The following GRM1 variants were observed in gnomAD, a reference collection of about 807,000 sequenced individuals.
The protein encoded by GRM1 is metabotropic glutamate receptor 1.
A neutral mutation model predicts 90.9 loss-of-function variants in GRM1; 33 were observed. The observed-to-expected ratio is 0.36, with a 90% CI of 0.28 to 0.49. GRM1 has a LOEUF of 0.49. GRM1 is among the 20% of genes least tolerant of loss of function. The pLI is 0.99. For synonymous variants in GRM1, 700 were observed against 613.2 expected (o/e 1.14, Z -2.09); for missense variants, 1,190 against 1,534.3 (o/e 0.78, Z 3.75).
At chr6:146,315,997 T>C (rs117962992) in intron 3 of GRM1, among the ~76,000 whole-genome samples, 1 of 152,326 alleles carries the variant, frequency 6.6e-6, no homozygotes, top group Non-Finnish European at 1.5e-5. Flanking sequence ...CATAACAAAT[T>C]ACCACAGACT....
At chr6:146,391,746 AC>A (rs1776731880) in intron 6 of GRM1, among the ~76,000 whole-genome samples, 1 of 152,022 alleles carries the variant, frequency 6.6e-6, no homozygotes, top group Admixed American at 6.6e-5. Context: ...AGAATCTAAA[AC>A]TTTTAAGAAA....
chr6:146,230,025 GT>G (rs1441352418), intron 2 of GRM1, among the ~76,000 whole-genome samples: 6 of 152,148 alleles, frequency 3.9e-5, no homozygotes, highest in African/African-American at 1.4e-4. Context: ...GCTCTCAGGA[GT>G]AAATAAAAGG....
At chr6:146,087,970 C>T (rs1245558655) in intron 1 of GRM1, among the ~76,000 whole-genome samples, 1 of 152,134 alleles carries the variant, frequency 6.6e-6, no homozygotes, top group African/African-American at 2.4e-5. Flanking sequence ...AGTGCTATTG[C>T]TCATTTGCAT....
chr6:146,196,291 A>ATT (rs35847536), intron 2 of GRM1, among the ~76,000 whole-genome samples: 23,808 of 136,454 alleles, frequency 0.17, 3,024 homozygotes, highest in African/African-American at 0.35. Context: ...AGTGCAGTGG[A>ATT]TTTTTTTTTT....
intron 5 of GRM1, among the ~76,000 whole-genome samples, chr6:146,374,880 T>A (rs1264956865): frequency 6.6e-6 from 1 of 152,076 alleles, no homozygotes; most frequent in Admixed American, 6.6e-5. Flanking sequence ...TCTATTCTGA[T>A]CTTCATTATG....
chr6:146,170,843 A>C (rs969759038), intron 2 of GRM1, among the ~76,000 whole-genome samples: 1 of 152,034 alleles, frequency 6.6e-6, no homozygotes, highest in Non-Finnish European at 1.5e-5. Context: ...TTTTAAAAAA[A>C]TCTCATTTTT....
chr6:146,436,951 C>G lies in GRM1; in HGVS notation c.*2155C>G, dbSNP rs1583500868. On this transcript the variant is annotated 3_prime_UTR_variant, in exon 8 of 8. Transcript: ENST00000282753. ...ATCATATTCTATTGCCAAGTTTAGTCAGTTCCACACCAAGAATGAACTGCA... is the reference window on the plus strand; with the variant it reads ...ATCATATTCTATTGCCAAGTTTAGTGAGTTCCACACCAAGAATGAACTGCA... The G allele has an allele frequency of 1.3e-5, 2 of 152,536 alleles. No homozygotes were observed. The highest frequency in any genetic ancestry group is 4.8e-5 in the African/African-American group (2 of 41,432). The allele number at this position is 152,536 out of a possible 1,614,324, so 9.4% of individuals were successfully genotyped here.
intron 2 of GRM1, among the ~76,000 whole-genome samples, chr6:146,273,361 A>AC (rs1782239252): frequency 6.6e-6 from 1 of 152,190 alleles, no homozygotes; most frequent in Non-Finnish European, 1.5e-5. Flanking sequence ...GCGGAGAAGG[A>AC]GAAAAAACCC....
chr6:146,368,266 G>C (rs912564252), intron 5 of GRM1, among the ~76,000 whole-genome samples: 1 of 137,094 alleles, frequency 7.3e-6, no homozygotes, highest in South Asian at 2.6e-4. Context: ...TTTTTGGGGG[G>C]GGGGGTAGAA....
chr6:146,349,144 A>G (rs1190078433), intron 3 of GRM1, among the ~76,000 whole-genome samples: 2 of 150,302 alleles, frequency 1.3e-5, no homozygotes, highest in Non-Finnish European at 3.0e-5. Context: ...TCGGCTCACT[A>G]CAAGCTCCAC....
At chr6:146,194,409 C>T (rs1779045909) in intron 2 of GRM1, among the ~76,000 whole-genome samples, 1 of 152,190 alleles carries the variant, frequency 6.6e-6, no homozygotes, top group Non-Finnish European at 1.5e-5. Flanking sequence ...CCAGCTAACA[C>T]TGTAATGTTA....
At chr6:146,151,754 C>T (rs556118128) in intron 1 of GRM1, among the ~76,000 whole-genome samples, 58 of 152,258 alleles carry the variant, frequency 3.8e-4, no homozygotes, top group African/African-American at 1.3e-3. Context: ...ATTTTACCCC[C>T]ATTTTCAGTG....
At chr6:146,205,376 C>T (rs764640148) in intron 2 of GRM1, among the ~76,000 whole-genome samples, 12 of 151,844 alleles carry the variant, frequency 7.9e-5, no homozygotes, top group Non-Finnish European at 1.6e-4. Flanking sequence ...TTCCTCATTC[C>T]TTTTTGAGGA....
At chr6:146,041,528 A>T (rs535486421) in intron 1 of GRM1, among the ~76,000 whole-genome samples, 1 of 151,870 alleles carries the variant, frequency 6.6e-6, no homozygotes, top group African/African-American at 2.4e-5. Context: ...AGCACTGCCC[A>T]TTCTGGATTG....
chr6:146,163,286 C>G (rs1430684450), intron 2 of GRM1, among the ~76,000 whole-genome samples: 1 of 152,128 alleles, frequency 6.6e-6, no homozygotes, highest in Non-Finnish European at 1.5e-5. Context: ...TTCTTCTTGT[C>G]TCTATGAAAG....
At chr6:146,205,878 A>G (rs1009078224) in intron 2 of GRM1, among the ~76,000 whole-genome samples, 2 of 152,132 alleles carry the variant, frequency 1.3e-5, no homozygotes, top group Non-Finnish European at 2.9e-5. Context: ...ACATGCTCCA[A>G]GCAAAAACTT....
At position 146,435,433 on chromosome 6, in the gene GRM1, T is replaced by C. The variant is rs362819; in HGVS notation, c.*637T>C. On this transcript the variant is annotated 3_prime_UTR_variant, in exon 8 of 8. Coordinates refer to ENST00000282753, the MANE Select transcript of GRM1 (RefSeq NM_001278064.2). ...GGCACAGGGGTCTCTCTTCATCCAC[T>C]GCAACCCATCCAGTGCCAGCTTTGA... 99,813 of 156,822 alleles carry C rather than the reference T, an allele frequency of 0.64. 33,695 individuals are homozygous for C. The highest frequency in any genetic ancestry group is 0.88 in the African/African-American group (36,431 of 41,532). The allele number at this position is 156,822 out of a possible 1,614,324, so 9.7% of individuals were successfully genotyped here.
At chr6:146,049,044 G>C (rs1791432187) in intron 1 of GRM1, among the ~76,000 whole-genome samples, 1 of 150,736 alleles carries the variant, frequency 6.6e-6, no homozygotes, top group African/African-American at 2.5e-5. Context: ...GGTACTTTCT[G>C]CATGTGCTAA....
intron 3 of GRM1, among the ~76,000 whole-genome samples, chr6:146,322,908 C>T (rs557991051): frequency 6.6e-6 from 1 of 152,176 alleles, no homozygotes; most frequent in East Asian, 1.9e-4. Context: ...TAGATTCATC[C>T]ATGTCCCTAC....
Sources: allele counts gnomAD v4.1 joint callset (sites outside exome capture counted in the v4.1 genomes callset), GRCh38; gene constraint gnomAD v4.1.1; transcripts MANE v1.5; gene names NCBI Gene and HGNC (gene_info 2026-07-23, HGNC 2026-07-21).